AGBL4: variants seen among roughly 807,000 people sequenced by gnomAD.
The protein encoded by AGBL4 is cytosolic carboxypeptidase 6.
In AGBL4, 58 loss-of-function variants were observed where a neutral mutation model predicts 66.4. That is an observed-to-expected ratio of 0.87 (90% CI 0.71 to 1.09). The LOEUF (loss-of-function observed/expected upper bound fraction) is 1.09, where lower values mean the gene tolerates loss of function less well. Among genes scored for constraint, AGBL4 ranks in the 50% least tolerant of loss-of-function variants. The probability of loss-of-function intolerance (pLI) is 0.00; values close to 1 mark genes in which losing one functional copy is unlikely to be tolerated. For missense variants in AGBL4, 579 were observed against 631.0 expected, an observed-to-expected ratio of 0.92 and a Z score of 0.88; for synonymous variants, 234 against 222.9, an observed-to-expected ratio of 1.05 and a Z score of -0.44.
At chr1:49,078,006 T>A (rs1644742247) in intron 4 of AGBL4, among the ~76,000 whole-genome samples, 1 of 152,174 alleles carries the variant, frequency 6.6e-6, no homozygotes, top group South Asian at 2.1e-4. Flanking sequence ...AAACCAGGTT[T>A]GAAGAGGTTA....
At chr1:49,020,133 T>G (rs111436903) in intron 5 of AGBL4, among the ~76,000 whole-genome samples, 2,131 of 152,108 alleles carry the variant, frequency 0.014, 48 homozygotes, top group African/African-American at 0.048. Context: ...TATCTCGGAT[T>G]CAAATGCGAT....
At chr1:49,131,182 C>T (rs1645886731) in intron 4 of AGBL4, among the ~76,000 whole-genome samples, 1 of 151,926 alleles carries the variant, frequency 6.6e-6, no homozygotes, top group South Asian at 2.1e-4. Flanking sequence ...CAAGGAATGA[C>T]AAATCTAATT....
chr1:49,546,449 C>A (rs1558038472), intron 3 of AGBL4, among the ~76,000 whole-genome samples: 1 of 151,840 alleles, frequency 6.6e-6, no homozygotes, highest in East Asian at 1.9e-4. Flanking sequence ...GATTTTGCAA[C>A]TGTGAATTTT....
intron 4 of AGBL4, among the ~76,000 whole-genome samples, chr1:49,206,145 G>T (rs951127229): frequency 6.6e-6 from 1 of 152,134 alleles, no homozygotes; most frequent in Non-Finnish European, 1.5e-5. Context: ...AGTGGGCAAA[G>T]AAAAGTCTAG....
chr1:49,379,559 A>G (rs533623390), intron 3 of AGBL4, among the ~76,000 whole-genome samples: 1 of 152,200 alleles, frequency 6.6e-6, no homozygotes, highest in Non-Finnish European at 1.5e-5. Context: ...TCCCATCAAT[A>G]CCTAATTTAT....
chr1:48,526,516 C>A, the AGBL4 span, among the ~76,000 whole-genome samples: 1 of 152,168 alleles, frequency 6.6e-6, no homozygotes, highest in African/African-American at 2.4e-5. Flanking sequence ...ACAGTAGCAG[C>A]TGCAGCGGCA....
At chr1:49,553,685 CAGAA>C (rs1653154616) in intron 3 of AGBL4, among the ~76,000 whole-genome samples, 1 of 152,054 alleles carries the variant, frequency 6.6e-6, no homozygotes, top group Non-Finnish European at 1.5e-5. Flanking sequence ...CTACCTATAT[CAGAA>C]AGAATAGTAT....
chr1:48,696,505 A>G (rs1646716060), intron 6 of AGBL4, among the ~76,000 whole-genome samples: 1 of 152,154 alleles, frequency 6.6e-6, no homozygotes, highest in Non-Finnish European at 1.5e-5. Context: ...CAGTGGGAGG[A>G]TAGGGCTTCA....
At chr1:49,009,372 T>A (rs1212825189) in intron 5 of AGBL4, among the ~76,000 whole-genome samples, 3 of 151,236 alleles carry the variant, frequency 2.0e-5, no homozygotes, top group African/African-American at 7.3e-5. Context: ...GAGCTGAAAT[T>A]GTGGCAATAA....
At chr1:48,816,536 A>T (rs1646182568) in intron 6 of AGBL4, among the ~76,000 whole-genome samples, 1 of 152,230 alleles carries the variant, frequency 6.6e-6, no homozygotes. Flanking sequence ...CAAAGGCAAG[A>T]AACTTATCAT....
intron 2 of AGBL4, among the ~76,000 whole-genome samples, chr1:49,743,628 C>G (rs1355286472): frequency 6.6e-6 from 1 of 152,014 alleles, no homozygotes; most frequent in East Asian, 1.9e-4. Context: ...GCACTATTCA[C>G]AATAGCAAAG....
intron 3 of AGBL4, among the ~76,000 whole-genome samples, chr1:49,258,947 G>C (rs1336009270): frequency 6.6e-5 from 10 of 152,174 alleles, no homozygotes; most frequent in Non-Finnish European, 1.2e-4. Flanking sequence ...ATCAGACTAA[G>C]AGCGGATCTC....
At chr1:49,834,969 G>A (rs1430588875) in intron 2 of AGBL4, among the ~76,000 whole-genome samples, 1 of 152,156 alleles carries the variant, frequency 6.6e-6, no homozygotes, top group Non-Finnish European at 1.5e-5. Flanking sequence ...TTTTGCATTT[G>A]CTGAGGAATG....
chr1:49,674,466 C>T (rs772481585), intron 3 of AGBL4, among the ~76,000 whole-genome samples: 1 of 150,646 alleles, frequency 6.6e-6, no homozygotes, highest in Non-Finnish European at 1.5e-5. Flanking sequence ...CTACACAAAA[C>T]TTGGCCCAGA....
At chr1:49,944,323 A>G (rs549196593) in intron 1 of AGBL4, among the ~76,000 whole-genome samples, 57 of 152,260 alleles carry the variant, frequency 3.7e-4, no homozygotes, top group African/African-American at 1.3e-3. Context: ...TCTTCACCAG[A>G]GCAGATGGTG....
At chr1:48,616,576 C>G (rs199550795) in intron 9 of AGBL4, among the ~76,000 whole-genome samples, 1 of 152,170 alleles carries the variant, frequency 6.6e-6, no homozygotes, top group Non-Finnish European at 1.5e-5. Context: ...CTTCATCCCC[C>G]GAGCTTCATA....
intron 3 of AGBL4, among the ~76,000 whole-genome samples, chr1:49,601,055 T>A (rs1390713915): frequency 2.0e-5 from 3 of 152,194 alleles, no homozygotes; most frequent in African/African-American, 7.2e-5. Context: ...CTGGCTGCCC[T>A]TAACATTTTT....
chr1:49,588,366 C>T lies in AGBL4; in HGVS notation c.282+108947G>A, dbSNP rs371708854. Among the ~76,000 whole-genome samples, 18 of 152,208 alleles carry T rather than the reference C, an allele frequency of 1.2e-4. No individual in the cohort carries two copies. In the East Asian group the frequency reaches 1.9e-3, roughly 16 times the overall value. ...GCTCCTTAAGGACAGAGACTGAATC[C>T]GTCTCATTCATTGTTGTATTCCTAG... On this transcript the variant is annotated intron_variant, in intron 3 of 13. Coordinates refer to ENST00000371839, the MANE Select transcript of AGBL4 (RefSeq NM_032785.4).
At chr1:49,941,522 T>C (rs1259280323) in intron 1 of AGBL4, among the ~76,000 whole-genome samples, 1 of 151,986 alleles carries the variant, frequency 6.6e-6, no homozygotes, top group Non-Finnish European at 1.5e-5. Flanking sequence ...ATTAAAAGTA[T>C]CATACACTAT....
Sources: allele counts gnomAD v4.1 joint callset (sites outside exome capture counted in the v4.1 genomes callset), GRCh38; gene constraint gnomAD v4.1.1; transcripts MANE v1.5; gene names NCBI Gene and HGNC (gene_info 2026-07-23, HGNC 2026-07-21).